MTUS1: variants seen among roughly 807,000 people sequenced by gnomAD.
The protein encoded by MTUS1 is microtubule-associated tumor suppressor 1.
MTUS1 carries 109 observed loss-of-function variants against 120.8 expected under a neutral mutation model. That is an observed-to-expected ratio of 0.90 (90% CI 0.77 to 1.06). The LOEUF (loss-of-function observed/expected upper bound fraction) is 1.06. MTUS1 is among the 50% of genes least tolerant of loss of function. The pLI, the probability that MTUS1 is intolerant of heterozygous loss-of-function variation, is 0.00. For missense variants in MTUS1, 2,210 were observed against 1,486.3 expected, an observed-to-expected ratio of 1.49 and a Z score of -8.01; for synonymous variants, 737 against 550.5, an observed-to-expected ratio of 1.34 and a Z score of -4.74.
chr8:17,677,332 AC>A (rs372759225), intron 7 of MTUS1, among the ~76,000 whole-genome samples: 353 of 152,294 alleles, frequency 2.3e-3, no homozygotes, highest in African/African-American at 8.3e-3. Context: ...AACAGGAAAA[AC>A]AAGACAGCTT....
In MTUS1 at chr8:17,754,323, T is replaced by C; in HGVS notation, c.1485A>G (p.Arg495=). The change falls in exon 2 of 15, where the codon AGA becomes AGG. Residue 495 remains arginine, a synonymous_variant. Transcript: ENST00000693296. ...KTNTPIGCKV[R]KTEIISYPRP... ...TTGGGTAACTTATAATTTCAGTTTT[T>C]CTAACTTTGCAGCCTATTGGGGTAT... is the stretch of plus-strand genomic sequence containing the variant. 6.2e-7 allele frequency: 1 copy of C among 1,614,174 alleles called. No individual in the cohort carries two copies. The highest frequency in any genetic ancestry group is 8.5e-7 in the Non-Finnish European group (1 of 1,180,024).
chr8:17,776,792 T>C (rs981591788), intron 1 of MTUS1, among the ~76,000 whole-genome samples: 5 of 151,456 alleles, frequency 3.3e-5, no homozygotes, highest in Admixed American at 6.6e-5. Flanking sequence ...ACATTACTCA[T>C]AGGTGACGAT....
At chr8:17,763,242 G>A (rs10106689) in intron 1 of MTUS1, among the ~76,000 whole-genome samples, 114,277 of 151,934 alleles carry the variant, frequency 0.75, 43,888 homozygotes, top group East Asian at 0.85. Flanking sequence ...TACACACCTC[G>A]GCCTTCCAAA....
chr8:17,753,975 A>G lies in MTUS1; in HGVS notation c.1833T>C (p.Asn611=). Residue 611 remains asparagine, a synonymous_variant, in exon 2 of 15, where the codon AAT becomes AAC. Coordinates refer to ENST00000693296, the MANE Select transcript of MTUS1 (RefSeq NM_001363059.2). ...AACTGGCTTTGTCAACATCTTCCTG[A>G]TTCGATTTCACGGCAGATGTTGTTC... ...VPRTTSAVKS[N]QEDVDKASSS... 6.2e-7 allele frequency: 1 copy of G among 1,614,184 alleles called. No homozygotes were observed. Among genetic ancestry groups the G allele is most frequent in the Non-Finnish European group, 8.5e-7 (1 of 1,180,020 alleles).
At chr8:17,760,368 A>T (rs1487329516) in intron 1 of MTUS1, among the ~76,000 whole-genome samples, 1 of 152,188 alleles carries the variant, frequency 6.6e-6, no homozygotes, top group African/African-American at 2.4e-5. Context: ...GAGTAAAAAA[A>T]TAGTGGTACA....
chr8:17,705,642 C>T (rs367569784), intron 6 of MTUS1: 12 of 152,232 alleles, frequency 7.9e-5, no homozygotes, highest in Non-Finnish European at 1.3e-4. Flanking sequence ...TCTCTACTCT[C>T]ACCAGAAGAA....
chr8:17,719,881 T>G (rs1823067806), intron 4 of MTUS1, among the ~76,000 whole-genome samples: 6 of 152,228 alleles, frequency 3.9e-5, no homozygotes, highest in Admixed American at 3.9e-4. Context: ...AACACCATCC[T>G]GCCAAACAAT....
intron 1 of MTUS1, among the ~76,000 whole-genome samples, chr8:17,799,354 CATTA>C (rs888068470): frequency 1.3e-5 from 2 of 152,034 alleles, no homozygotes; most frequent in African/African-American, 4.8e-5. Context: ...TTTCATGATA[CATTA>C]ATCAGGAAAA....
intron 3 of MTUS1, chr8:17,724,169 T>A (rs765500843): frequency 1.5e-5 from 7 of 465,384 alleles, no homozygotes; most frequent in Admixed American, 7.5e-5. Context: ...AAAACTGAAA[T>A]AAAAAAATAA....
intron 3 of MTUS1, among the ~76,000 whole-genome samples, chr8:17,735,349 A>G (rs2131205377): frequency 6.6e-6 from 1 of 152,042 alleles, no homozygotes; most frequent in African/African-American, 2.4e-5. Flanking sequence ...CACCAACAGA[A>G]GTGGCCAGAC....
chr8:17,697,139 TAGAG>T (rs1818127389), intron 6 of MTUS1: 3 of 1,296,586 alleles, frequency 2.3e-6, no homozygotes, highest in Admixed American at 2.4e-5. Context: ...CATCTCTCAT[TAGAG>T]AGAGCTTTTT....
chr8:17,764,415 A>AC (rs1252243336), intron 1 of MTUS1, among the ~76,000 whole-genome samples: 1 of 151,680 alleles, frequency 6.6e-6, no homozygotes, highest in Non-Finnish European at 1.5e-5. Context: ...AAAAAAAAAA[A>AC]AGGTAATTTC....
At chr8:17,793,377 A>C (rs933157475) in intron 1 of MTUS1, among the ~76,000 whole-genome samples, 2 of 152,090 alleles carry the variant, frequency 1.3e-5, no homozygotes, top group African/African-American at 4.8e-5. Flanking sequence ...GAAACAATGG[A>C]TGAGGGGGTG....
chr8:17,743,665 A>T lies in MTUS1; in HGVS notation c.2226T>A (p.Asn742Lys). 1 of 1,613,944 alleles carries T rather than the reference A, an allele frequency of 6.2e-7. No homozygotes were observed. The highest frequency in any genetic ancestry group is 8.5e-7 in the Non-Finnish European group (1 of 1,180,006). ...CGGCTCGATCAGCACTGGGATTTCT[A>T]TTGTCACTGTTCCGCCTCAAACAGG... ...PVSCLRRNSD[N>K]RNPSADRAVS... Residue 742 changes from asparagine to lysine, a missense_variant, in exon 3 of 15, where the codon AAT becomes AAA. Coordinates refer to ENST00000693296, the MANE Select transcript of MTUS1 (RefSeq NM_001363059.2).
intron 3 of MTUS1, among the ~76,000 whole-genome samples, chr8:17,742,138 T>G (rs2047361340): frequency 6.6e-6 from 1 of 152,102 alleles, no homozygotes; most frequent in Admixed American, 6.5e-5. Flanking sequence ...CTGCCCAGGT[T>G]GGAGTACAGT....
At chr8:17,689,778 T>A (rs3850742) in intron 6 of MTUS1, among the ~76,000 whole-genome samples, 1 of 151,862 alleles carries the variant, frequency 6.6e-6, no homozygotes, top group African/African-American at 2.4e-5. Context: ...CAAAAATACA[T>A]ACAATGGGGA....
At chr8:17,731,129 G>T (rs17590998) in intron 3 of MTUS1, among the ~76,000 whole-genome samples, 2 of 152,186 alleles carry the variant, frequency 1.3e-5, no homozygotes, top group African/African-American at 2.4e-5. Context: ...AAAAATTCAG[G>T]ATAGGATAGG....
chr8:17,757,875 GT>G (rs2048743082), intron 1 of MTUS1, among the ~76,000 whole-genome samples: 1 of 152,154 alleles, frequency 6.6e-6, no homozygotes, highest in Admixed American at 6.5e-5. Context: ...TCAAACTGCA[GT>G]GCCAAAGAAA....
Position 17,755,750 on chromosome 8 carries a change from TG to T in MTUS1, c.57del (p.Ser20ValfsTer25), listed in dbSNP as rs777835996. ...KIEDELQTFFTSDKDGNTHAY... is the reference protein window; with the variant it reads ...KIEDELQTFFXSDKDGNTHAY... ...GCATGTGTATTTCCATCTTTATCAC[TG>T]GTAAAGAAGGTTTGCAATTCATCTT... On this transcript the variant is annotated frameshift_variant, in exon 2 of 15. Coordinates refer to ENST00000693296, the MANE Select transcript of MTUS1 (RefSeq NM_001363059.2). LOFTEE classifies it high-confidence loss of function. 1 of 1,614,060 alleles carries T rather than the reference TG, an allele frequency of 6.2e-7. No homozygotes were observed. Among genetic ancestry groups the T allele is most frequent in the Non-Finnish European group, 8.5e-7 (1 of 1,179,978 alleles).
Sources: allele counts gnomAD v4.1 joint callset (sites outside exome capture counted in the v4.1 genomes callset), GRCh38; gene constraint gnomAD v4.1.1; transcripts MANE v1.5; gene names NCBI Gene and HGNC (gene_info 2026-07-23, HGNC 2026-07-21).